The following FAM227B variants were observed in gnomAD, a reference collection of about 807,000 sequenced individuals.
The protein encoded by FAM227B is protein FAM227B.
In FAM227B, 88 loss-of-function variants were observed where a neutral mutation model predicts 73.8. The ratio of observed to expected loss-of-function variants is 1.19; its 90% CI spans 1.00 to 1.42. The LOEUF (loss-of-function observed/expected upper bound fraction) is 1.42. Ranked by LOEUF, FAM227B falls within the 40% of genes most tolerant of loss-of-function variation. The pLI is 0.00. For missense variants in FAM227B, 632 were observed against 590.9 expected (o/e 1.07, Z -0.72); for synonymous variants, 210 against 190.5 (o/e 1.10, Z -0.84).
intron 14 of FAM227B, among the ~76,000 whole-genome samples, chr15:49,332,357 A>G (rs963656532): frequency 6.6e-6 from 1 of 152,174 alleles, no homozygotes; most frequent in Non-Finnish European, 1.5e-5. Context: ...CACAGGAAAG[A>G]AAGAGAGGGA....
intron 13 of FAM227B, among the ~76,000 whole-genome samples, chr15:49,348,298 C>T (rs960642829): frequency 2.0e-5 from 3 of 152,160 alleles, no homozygotes; most frequent in Non-Finnish European, 4.4e-5. Flanking sequence ...ATACAAACTT[C>T]GGGTTTGCTT....
intron 11 of FAM227B, among the ~76,000 whole-genome samples, chr15:49,496,009 C>T (rs867355050): frequency 5.3e-5 from 8 of 151,902 alleles, no homozygotes; most frequent in South Asian, 4.2e-4. Context: ...GGTGACAGAG[C>T]GAGACTCTGT....
chr15:49,598,465 T>C (rs1165670242), intron 3 of FAM227B, among the ~76,000 whole-genome samples: 1 of 151,996 alleles, frequency 6.6e-6, no homozygotes, highest in African/African-American at 2.4e-5. Flanking sequence ...CTAACTGCTC[T>C]AGGAGAACTT....
intron 8 of FAM227B, among the ~76,000 whole-genome samples, chr15:49,569,508 GTA>G (rs1170682783): frequency 6.6e-6 from 1 of 151,726 alleles, no homozygotes; most frequent in African/African-American, 2.4e-5. Flanking sequence ...TATTTTGAAC[GTA>G]TAAATCATAA....
chr15:49,538,235 T>C (rs1487377580), intron 10 of FAM227B, among the ~76,000 whole-genome samples: 1 of 152,200 alleles, frequency 6.6e-6, no homozygotes, highest in Non-Finnish European at 1.5e-5. Flanking sequence ...GATTTTCATC[T>C]GCCTCTACCA....
intron 5 of FAM227B, among the ~76,000 whole-genome samples, chr15:49,582,397 G>A (rs1474377668): frequency 6.6e-6 from 1 of 152,110 alleles, no homozygotes; most frequent in African/African-American, 2.4e-5. Flanking sequence ...ATTACATAAT[G>A]GTAAAAGACT....
intron 11 of FAM227B, among the ~76,000 whole-genome samples, chr15:49,409,107 A>C (rs186080429): frequency 6.6e-6 from 1 of 152,304 alleles, no homozygotes; most frequent in African/African-American, 2.4e-5. Context: ...GTTTAGTATT[A>C]TGGATGGCTG....
intron 9 of FAM227B, among the ~76,000 whole-genome samples, chr15:49,557,488 A>C (rs2073828100): frequency 6.6e-6 from 1 of 152,192 alleles, no homozygotes; most frequent in South Asian, 2.1e-4. Flanking sequence ...GACAGATGGG[A>C]AGCAGCTAGT....
At chr15:49,349,852 T>C (rs2042003400) in intron 13 of FAM227B, among the ~76,000 whole-genome samples, 1 of 150,512 alleles carries the variant, frequency 6.6e-6, no homozygotes, top group African/African-American at 2.4e-5. Flanking sequence ...GCAAAAACGA[T>C]AAAAAACAAA....
At chr15:49,379,242 C>G (rs1200326515) in intron 11 of FAM227B, among the ~76,000 whole-genome samples, 1 of 152,128 alleles carries the variant, frequency 6.6e-6, no homozygotes, top group African/African-American at 2.4e-5. Context: ...CAATATTAAT[C>G]AGAGATATTG....
chr15:49,590,115 G>GT (rs1327482572), intron 3 of FAM227B, 108 bp from the exon 4 acceptor site: 13 of 629,968 alleles, frequency 2.1e-5, no homozygotes, highest in African/African-American at 1.3e-4. Flanking sequence ...CCACAGCATT[G>GT]TTTTTTATCA....
intron 11 of FAM227B, among the ~76,000 whole-genome samples, chr15:49,447,571 A>C (rs2052340587): frequency 6.6e-6 from 1 of 151,726 alleles, no homozygotes; most frequent in Non-Finnish European, 1.5e-5. Flanking sequence ...TCAGGTTTAA[A>C]ATACATGTTC....
chr15:49,412,865 C>T (rs1026834476), intron 11 of FAM227B, among the ~76,000 whole-genome samples: 1 of 151,994 alleles, frequency 6.6e-6, no homozygotes, highest in African/African-American at 2.4e-5. Flanking sequence ...TTTCAAGATG[C>T]TTCTTGGTTC....
chr15:49,422,145 A>AGAGAGAGAGAGAGAGAGT (rs757128514), intron 11 of FAM227B, among the ~76,000 whole-genome samples: 101 of 139,898 alleles, frequency 7.2e-4, no homozygotes, highest in South Asian at 1.1e-3. Flanking sequence ...AGAGAGAGAG[A>AGAGAGAGAGAGAGAGAGT]GTGTGTGTGT....
chr15:49,584,112 CA>C (rs1237738829), intron 5 of FAM227B, among the ~76,000 whole-genome samples: 4 of 152,136 alleles, frequency 2.6e-5, no homozygotes, highest in African/African-American at 9.7e-5. Flanking sequence ...CAAAAATCCT[CA>C]ACAAAATACT....
At chr15:49,543,901 C>T (rs1228359099) in intron 9 of FAM227B, among the ~76,000 whole-genome samples, 1 of 152,074 alleles carries the variant, frequency 6.6e-6, no homozygotes, top group African/African-American at 2.4e-5. Context: ...GGTAACATAG[C>T]CTTGTAGTAT....
chr15:49,479,918 G>C (rs1239066402), intron 11 of FAM227B, among the ~76,000 whole-genome samples: 1 of 152,066 alleles, frequency 6.6e-6, no homozygotes, highest in Admixed American at 6.5e-5. Flanking sequence ...TCCGCCCATA[G>C]TTAACACTTC....
chr15:49,591,369 CTCCCTCCCTCCCT>C (rs1191616614), intron 3 of FAM227B, among the ~76,000 whole-genome samples: 4 of 125,190 alleles, frequency 3.2e-5, no homozygotes, highest in South Asian at 5.8e-4. Flanking sequence ...CACACCCTCC[CTCCCTCCCTCCCT>C]TCCCTCCCTC....
chr15:49,508,879 C>G (rs530422908), intron 10 of FAM227B, among the ~76,000 whole-genome samples: 2 of 152,222 alleles, frequency 1.3e-5, no homozygotes, highest in East Asian at 3.9e-4. Flanking sequence ...TATAGTAAGG[C>G]CAACAGATCA....
Sources: gnomAD v4.1 joint callset for allele counts (sites outside exome capture counted in the v4.1 genomes callset) on GRCh38, gnomAD v4.1.1 for gene constraint, MANE v1.5 for transcripts, NCBI Gene and HGNC (gene_info 2026-07-23, HGNC 2026-07-21) for gene names.